The following AHCY variants were observed in gnomAD, a reference collection of about 807,000 sequenced individuals.
AHCY encodes S-adenosyl-L-homocysteine hydrolase.
AHCY carries 24 observed loss-of-function variants against 45.4 expected under a neutral mutation model. That is an observed-to-expected ratio of 0.53 (90% CI 0.38 to 0.74). The LOEUF (loss-of-function observed/expected upper bound fraction) is 0.74. Among genes scored for constraint, AHCY ranks in the 30% least tolerant of loss-of-function variants. AHCY has a pLI of 0.00. For synonymous variants in AHCY, 245 were observed against 235.1 expected (o/e 1.04, Z -0.39); for missense variants, 449 against 594.1 (o/e 0.76, Z 2.54).
At chr20:34,303,359 T>C (rs1006724659), upstream of AHCY, 11 of 1,529,970 alleles carry the variant, frequency 7.2e-6, no homozygotes, top group South Asian at 3.6e-5. Context: ...AGCAGGGATA[T>C]GCGCGTGGCG....
At chr20:34,278,498 T>C (rs1210128455), downstream of AHCY, among the ~76,000 whole-genome samples, 1 of 152,156 alleles carries the variant, frequency 6.6e-6, no homozygotes, top group Non-Finnish European at 1.5e-5. Flanking sequence ...TGTGAAGTTA[T>C]CGTCCCAGCA....
upstream of AHCY, among the ~76,000 whole-genome samples, chr20:34,306,392 G>T (rs1202675315): frequency 6.8e-6 from 1 of 147,638 alleles, no homozygotes; most frequent in Non-Finnish European, 1.5e-5. Context: ...TTTTGAGAAA[G>T]AGTGTCTCTC....
chr20:34,236,225 A>G, the AHCY span, among the ~76,000 whole-genome samples: 1 of 152,190 alleles, frequency 6.6e-6, no homozygotes, highest in Non-Finnish European at 1.5e-5. Flanking sequence ...TGCTAGCTCT[A>G]GGTGGTTTAA....
chr20:34,263,103 T>C, the AHCY span, among the ~76,000 whole-genome samples: 18 of 152,098 alleles, frequency 1.2e-4, no homozygotes, highest in Non-Finnish European at 2.4e-4. Context: ...CTGAGCAAAA[T>C]AGGTTACGAA....
At chr20:34,269,148 T>C in the AHCY span, 1 of 1,546,832 alleles carries the variant, frequency 6.5e-7, no homozygotes, top group Non-Finnish European at 8.7e-7. Context: ...TCCTGCCGCG[T>C]GCTCAGCCTC....
chr20:34,269,150 C>A, the AHCY span: 1 of 1,546,242 alleles, frequency 6.5e-7, no homozygotes, highest in Admixed American at 2.0e-5. Context: ...CTGCCGCGTG[C>A]TCAGCCTCAA....
rs1470272864 is a variant in AHCY, at chr20:34,290,621, T to C, written c.784A>G (p.Met262Val). ...TTGCCCTCCTGACAGGCCTCATCCA[T>C]GGTGGTCACCTCATAGCCTGTGCAG... is the stretch of plus-strand genomic sequence containing the variant. ...AAMEGYEVTT[M>V]DEACQEGNIF... The change falls in exon 7 of 10, where the codon ATG (methionine) becomes GTG (valine). Residue 262 changes from methionine (M) to valine (V), a missense_variant. Transcript: ENST00000217426. The surrounding 1 kb of genome is among the most constrained non-coding windows in gnomAD (Gnocchi z 4.5). The C allele has an allele frequency of 1.9e-6, 3 of 1,614,172 alleles. No homozygotes were observed. The highest frequency in any genetic ancestry group is 1.7e-5 in the Admixed American group (1 of 60,026).
intron 1 of AHCY, among the ~76,000 whole-genome samples, chr20:34,299,192 A>T (rs1210988908): frequency 1.3e-5 from 2 of 152,030 alleles, no homozygotes; most frequent in African/African-American, 4.8e-5. Context: ...GGGGCTGGTC[A>T]CTACACTATC....
intron 9 of AHCY, among the ~76,000 whole-genome samples, chr20:34,284,587 G>A (rs933986777): frequency 9.9e-5 from 15 of 152,126 alleles, no homozygotes; most frequent in Non-Finnish European, 1.9e-4. Context: ...TGCAGTGGCC[G>A]AGGCGGGTGG....
the AHCY span, among the ~76,000 whole-genome samples, chr20:34,244,851 T>C: frequency 2.6e-5 from 4 of 152,164 alleles, no homozygotes; most frequent in African/African-American, 7.2e-5. Context: ...ACAAAGCAAA[T>C]TGAACCACAA....
downstream of AHCY, among the ~76,000 whole-genome samples, chr20:34,278,119 C>T (rs1437327029): frequency 6.6e-6 from 1 of 152,100 alleles, no homozygotes; most frequent in African/African-American, 2.4e-5. Context: ...GACACATCAT[C>T]TTTCATTGTG....
chr20:34,308,966 T>C (rs1332319638), intron 1 of AHCY, among the ~76,000 whole-genome samples: 1 of 145,316 alleles, frequency 6.9e-6, no homozygotes, highest in Non-Finnish European at 1.5e-5. Flanking sequence ...TTTTTTTTTT[T>C]TTTTTTTTTT....
intron 8 of AHCY, among the ~76,000 whole-genome samples, chr20:34,289,548 T>C (rs2036302755): frequency 7.1e-6 from 1 of 141,306 alleles, no homozygotes; most frequent in Non-Finnish European, 1.5e-5. Flanking sequence ...CGATCTCGGC[T>C]CACTGCAACC....
At chr20:34,234,946 T>G in the AHCY span, 1 of 151,558 alleles carries the variant, frequency 6.6e-6, no homozygotes, top group Admixed American at 6.5e-5. Context: ...TGATTTAATC[T>G]TGTGTTGTTT....
the AHCY span, among the ~76,000 whole-genome samples, chr20:34,273,398 A>G: frequency 6.6e-6 from 1 of 152,218 alleles, no homozygotes; most frequent in Non-Finnish European, 1.5e-5. Context: ...TGGAAATGGT[A>G]GCATCAAAAG....
At chr20:34,262,887 T>G in the AHCY span, 1 of 1,614,018 alleles carries the variant, frequency 6.2e-7, no homozygotes, top group East Asian at 2.2e-5. Flanking sequence ...AGAAAAGATC[T>G]TCTAAGGTAA....
chr20:34,269,165 T>C, the AHCY span: 1 of 1,525,260 alleles, frequency 6.6e-7, no homozygotes. Context: ...CCTCAACTGC[T>C]GAGCGCCCCC....
downstream of AHCY, among the ~76,000 whole-genome samples, chr20:34,276,037 G>A (rs914983264): frequency 4.6e-5 from 7 of 152,056 alleles, no homozygotes; most frequent in Non-Finnish European, 1.0e-4. Context: ...GGGGGCAAAG[G>A]AGCAGCTACA....
At chr20:34,303,642 C>T (rs531860134), upstream of AHCY, among the ~76,000 whole-genome samples, 1 of 152,364 alleles carries the variant, frequency 6.6e-6, no homozygotes, top group South Asian at 2.1e-4. Flanking sequence ...CTTCCCTGTG[C>T]CTCAATTTCC....
Sources: allele counts gnomAD v4.1 joint callset (sites outside exome capture counted in the v4.1 genomes callset), GRCh38; gene constraint gnomAD v4.1.1; non-coding constraint Gnocchi (gnomAD v3.1); transcripts MANE v1.5; gene names NCBI Gene and HGNC (gene_info 2026-07-23, HGNC 2026-07-21).